The following INVS variants were observed in gnomAD, a reference collection of about 807,000 sequenced individuals.
INVS encodes the protein inversion of embryo turning homolog.
Under a neutral mutation model 108.8 loss-of-function variants are expected in INVS, and 86 were observed. That is an observed-to-expected ratio of 0.79 (90% CI 0.66 to 0.95). The LOEUF (loss-of-function observed/expected upper bound fraction) is 0.95, where lower values mean the gene tolerates loss of function less well. Among genes scored for constraint, INVS ranks in the 40% least tolerant of loss-of-function variants. The pLI, the probability that INVS is intolerant of heterozygous loss-of-function variation, is 0.00. For synonymous variants in INVS, 455 were observed against 473.5 expected, an observed-to-expected ratio of 0.96 and a Z score of 0.51; for missense variants, 1,169 against 1,297.4, an observed-to-expected ratio of 0.90 and a Z score of 1.52.
intron 16 of INVS, among the ~76,000 whole-genome samples, chr9:100,300,258 T>G (rs113193117): frequency 6.6e-6 from 1 of 152,230 alleles, no homozygotes; most frequent in Non-Finnish European, 1.5e-5. Flanking sequence ...GTTTATGTAA[T>G]GTGTTATGTG....
chr9:100,127,020 A>AC (rs945063130), intron 3 of INVS, among the ~76,000 whole-genome samples: 1 of 151,976 alleles, frequency 6.6e-6, no homozygotes, highest in African/African-American at 2.4e-5. Context: ...ACATAGTGAG[A>AC]CCCCATCTCT....
chr9:100,109,883 T>C (rs1179583229), intron 2 of INVS, among the ~76,000 whole-genome samples: 1 of 152,230 alleles, frequency 6.6e-6, no homozygotes, highest in African/African-American at 2.4e-5. Context: ...GTCAGGCTGG[T>C]CTCGAACTCC....
intron 10 of INVS, among the ~76,000 whole-genome samples, chr9:100,254,102 G>A (rs1033326738): frequency 6.6e-6 from 1 of 151,922 alleles, no homozygotes; most frequent in African/African-American, 2.4e-5. Flanking sequence ...TTTAATGATC[G>A]CCATTCTAAC....
At chr9:100,156,943 T>TATACATATATATATATAC (rs1554718181) in intron 3 of INVS, among the ~76,000 whole-genome samples, 1 of 149,520 alleles carries the variant, frequency 6.7e-6, no homozygotes. Context: ...TATATATATA[T>TATACATATATATATATAC]ACACACACAC....
chr9:100,291,425 T>G (rs1437899853), intron 13 of INVS, among the ~76,000 whole-genome samples: 1 of 152,206 alleles, frequency 6.6e-6, no homozygotes, highest in African/African-American at 2.4e-5. Flanking sequence ...TTAAACTTCT[T>G]TTGTGTGTTT....
At chr9:100,179,520 C>G (rs1257452892) in intron 3 of INVS, among the ~76,000 whole-genome samples, 1 of 149,750 alleles carries the variant, frequency 6.7e-6, no homozygotes, top group African/African-American at 2.4e-5. Context: ...AGACTTTAAA[C>G]CAACAAAGAT....
At chr9:100,117,200 T>G in intron 2 of INVS, 1 of 1,022,194 alleles carries the variant, frequency 9.8e-7, no homozygotes, top group East Asian at 2.4e-5. Flanking sequence ...GGCCACTTCC[T>G]TGGAGCACTT....
At chr9:100,258,114 C>T (rs567469660) in intron 10 of INVS, among the ~76,000 whole-genome samples, 1 of 152,236 alleles carries the variant, frequency 6.6e-6, no homozygotes, top group East Asian at 1.9e-4. Context: ...TTTCTTTTTA[C>T]TCTTTTTTCT....
chr9:100,187,521 A>ATTTTTTTTTTTTTT (rs1830087780), intron 3 of INVS, among the ~76,000 whole-genome samples: 1 of 89,426 alleles, frequency 1.1e-5, no homozygotes, highest in Non-Finnish European at 2.2e-5. Flanking sequence ...ATCATCTATG[A>ATTTTTTTTTTTTTT]TTTCTTTTTT....
intron 16 of INVS, among the ~76,000 whole-genome samples, chr9:100,299,988 G>T (rs1254424937): frequency 6.6e-6 from 1 of 152,172 alleles, no homozygotes; most frequent in Non-Finnish European, 1.5e-5. Flanking sequence ...TCCATAAAAA[G>T]TTAGAAGCAA....
At chr9:100,191,652 A>G (rs1423233867) in intron 3 of INVS, among the ~76,000 whole-genome samples, 1 of 152,128 alleles carries the variant, frequency 6.6e-6, no homozygotes, top group Non-Finnish European at 1.5e-5. Context: ...TAGCTTAACA[A>G]TCAACCTTTT....
At chr9:100,203,036 T>C (rs949253454) in intron 3 of INVS, among the ~76,000 whole-genome samples, 4 of 152,200 alleles carry the variant, frequency 2.6e-5, no homozygotes, top group Non-Finnish European at 4.4e-5. Flanking sequence ...GCAAGGCATG[T>C]TGGAGGCAAT....
intron 1 of INVS, among the ~76,000 whole-genome samples, chr9:100,103,155 A>C (rs1827056905): frequency 6.6e-6 from 1 of 151,878 alleles, no homozygotes; most frequent in Non-Finnish European, 1.5e-5. Context: ...ACCCGGCCTT[A>C]ACTAATTTTT....
intron 10 of INVS, among the ~76,000 whole-genome samples, chr9:100,258,214 A>C (rs953143645): frequency 6.6e-6 from 1 of 152,146 alleles, no homozygotes; most frequent in Non-Finnish European, 1.5e-5. Flanking sequence ...AAGCTTGTGC[A>C]TGCCTCATGT....
At chr9:100,125,834 C>T (rs1211828815) in intron 2 of INVS, among the ~76,000 whole-genome samples, 4 of 151,834 alleles carry the variant, frequency 2.6e-5, no homozygotes, top group South Asian at 2.1e-4. Context: ...TACAGGCGCC[C>T]GCCACCACGC....
At chr9:100,257,033 T>A (rs1832442661) in intron 10 of INVS, among the ~76,000 whole-genome samples, 1 of 152,210 alleles carries the variant, frequency 6.6e-6, no homozygotes, top group South Asian at 2.1e-4. Context: ...ATGATTATTG[T>A]GTGGGAGTCT....
chr9:100,158,718 T>G (rs1829077392), intron 3 of INVS, among the ~76,000 whole-genome samples: 1 of 152,184 alleles, frequency 6.6e-6, no homozygotes, highest in Non-Finnish European at 1.5e-5. Flanking sequence ...TGAGCTGTAT[T>G]TATGCTATAG....
chr9:100,253,415 C>CT (rs58891678), intron 10 of INVS, among the ~76,000 whole-genome samples: 11 of 148,950 alleles, frequency 7.4e-5, no homozygotes, highest in East Asian at 6.1e-4. Flanking sequence ...ATATGATTTT[C>CT]TTTTTTTTTT....
chr9:100,232,352 T>A (rs1458843236), intron 5 of INVS, among the ~76,000 whole-genome samples: 1 of 152,314 alleles, frequency 6.6e-6, no homozygotes, highest in African/African-American at 2.4e-5. Context: ...AGCTCTTTAG[T>A]TTCATTAGAT....
Sources: allele counts gnomAD v4.1 joint callset (sites outside exome capture counted in the v4.1 genomes callset), GRCh38; gene constraint gnomAD v4.1.1; transcripts MANE v1.5; gene names NCBI Gene and HGNC (gene_info 2026-07-23, HGNC 2026-07-21).